VTI1A: variants seen among roughly 807,000 people sequenced by gnomAD.
The protein encoded by VTI1A is vesicle transport through interaction with t-SNAREs 1A.
Under a neutral mutation model 34.9 loss-of-function variants are expected in VTI1A, and 22 were observed. The ratio of observed to expected loss-of-function variants is 0.63; its 90% CI spans 0.45 to 0.90. VTI1A has a LOEUF of 0.90. Among genes scored for constraint, VTI1A ranks in the 40% least tolerant of loss-of-function variants. The pLI is 0.00. For synonymous variants in VTI1A, 87 were observed against 97.3 expected (o/e 0.89, Z 0.62); for missense variants, 268 against 275.6 (o/e 0.97, Z 0.20).
chr10:112,546,113 C>T (rs184182770), intron 5 of VTI1A, among the ~76,000 whole-genome samples: 2 of 135,024 alleles, frequency 1.5e-5, no homozygotes, highest in African/African-American at 2.8e-5. Flanking sequence ...CGTGTATACA[C>T]GTGTGTGTGT....
chr10:112,739,347 T>G (rs1336730432), intron 7 of VTI1A, among the ~76,000 whole-genome samples: 2 of 152,150 alleles, frequency 1.3e-5, no homozygotes, highest in Non-Finnish European at 2.9e-5. Flanking sequence ...GTCCCCATTT[T>G]CCCCAGTCTA....
chr10:112,456,192 A>G (rs970317545), intron 1 of VTI1A, among the ~76,000 whole-genome samples: 6 of 152,146 alleles, frequency 3.9e-5, no homozygotes, highest in African/African-American at 1.4e-4. Context: ...AGGCCGAGGC[A>G]GGTGGATCAC....
At chr10:112,801,011 A>G (rs750648013) in intron 7 of VTI1A, among the ~76,000 whole-genome samples, 2 of 152,302 alleles carry the variant, frequency 1.3e-5, no homozygotes, top group African/African-American at 4.8e-5. Context: ...TGAATGTAGT[A>G]TGTGGCTTCT....
At chr10:112,613,852 G>A (rs1037493246) in intron 5 of VTI1A, among the ~76,000 whole-genome samples, 1 of 152,174 alleles carries the variant, frequency 6.6e-6, no homozygotes, top group Admixed American at 6.5e-5. Flanking sequence ...GAGCTTGGGC[G>A]ATACTGTACA....
At chr10:112,758,936 T>C (rs1037071253) in intron 7 of VTI1A, among the ~76,000 whole-genome samples, 1 of 152,214 alleles carries the variant, frequency 6.6e-6, no homozygotes, top group Non-Finnish European at 1.5e-5. Context: ...TCCTACCTGC[T>C]GCTCATGCTT....
chr10:112,492,900 A>G (rs1181167586), intron 3 of VTI1A, among the ~76,000 whole-genome samples: 1 of 152,230 alleles, frequency 6.6e-6, no homozygotes, highest in Non-Finnish European at 1.5e-5. Context: ...CATAACCGTA[A>G]TCGAGTTTTA....
chr10:112,612,201 A>G (rs1299617104), intron 5 of VTI1A, among the ~76,000 whole-genome samples: 1 of 152,154 alleles, frequency 6.6e-6, no homozygotes, highest in East Asian at 1.9e-4. Context: ...TTCTATTATC[A>G]ATCGGGTACC....
At chr10:112,571,283 G>A (rs937626574) in intron 5 of VTI1A, among the ~76,000 whole-genome samples, 1 of 152,128 alleles carries the variant, frequency 6.6e-6, no homozygotes, top group Non-Finnish European at 1.5e-5. Flanking sequence ...CCAAAGAAAA[G>A]ACTAGTAATA....
chr10:112,616,955 C>T (rs1845535552), intron 5 of VTI1A, among the ~76,000 whole-genome samples: 1 of 151,956 alleles, frequency 6.6e-6, no homozygotes, highest in Admixed American at 6.6e-5. Context: ...ATTAGACTTC[C>T]AGAATGACAA....
chr10:112,474,458 C>T (rs12264149), intron 3 of VTI1A, among the ~76,000 whole-genome samples: 8,780 of 142,040 alleles, frequency 0.062, 557 homozygotes, highest in African/African-American at 0.17. Flanking sequence ...TCATTCTTTC[C>T]TTTTTTTTTT....
intron 5 of VTI1A, among the ~76,000 whole-genome samples, chr10:112,610,646 G>A (rs1302071826): frequency 1.3e-5 from 2 of 152,226 alleles, no homozygotes; most frequent in African/African-American, 4.8e-5. Flanking sequence ...GCCGGGCGCG[G>A]TGGCTCATGC....
intron 5 of VTI1A, among the ~76,000 whole-genome samples, chr10:112,643,307 CA>C (rs1339620034): frequency 6.6e-6 from 1 of 151,790 alleles, no homozygotes; most frequent in East Asian, 1.9e-4. Context: ...CCTCTCTGAG[CA>C]TGTTTTCTAT....
upstream of VTI1A, chr10:112,447,170 T>C (rs563250452): frequency 3.7e-6 from 2 of 541,320 alleles, no homozygotes; most frequent in East Asian, 2.8e-5. Flanking sequence ...GAGCGGAAAA[T>C]AAAGCACGCA....
chr10:112,844,094 C>T, the VTI1A span, among the ~76,000 whole-genome samples: 3,869 of 151,438 alleles, frequency 0.026, 72 homozygotes, highest in African/African-American at 0.056. Flanking sequence ...AAGATGTCAT[C>T]TGAAAAAAAA....
chr10:112,744,459 C>CTT (rs11400561), intron 7 of VTI1A, among the ~76,000 whole-genome samples: 4,630 of 125,982 alleles, frequency 0.037, 293 homozygotes, highest in African/African-American at 0.11. Context: ...CTTCTTCTTC[C>CTT]TTTTTTTTTT....
chr10:112,571,274 C>T (rs972770746), intron 5 of VTI1A, among the ~76,000 whole-genome samples: 1 of 152,064 alleles, frequency 6.6e-6, no homozygotes, highest in South Asian at 2.1e-4. Flanking sequence ...GTTTATACTC[C>T]AAAGAAAAGA....
At chr10:112,642,608 A>AGTGTGTGTGTGTGT (rs75201126) in intron 5 of VTI1A, among the ~76,000 whole-genome samples, 1 of 150,202 alleles carries the variant, frequency 6.7e-6, no homozygotes, top group African/African-American at 2.4e-5. Context: ...TATACAGGGT[A>AGTGTGTGTGTGTGT]GTGTGTGTGT....
chr10:112,831,620 C>T, the VTI1A span: 14 of 152,306 alleles, frequency 9.2e-5, no homozygotes, highest in East Asian at 2.7e-3. Context: ...TCAAAACCTA[C>T]AGTACACTAA....
At chr10:112,495,058 A>G (rs1589828740) in intron 3 of VTI1A, among the ~76,000 whole-genome samples, 1 of 152,134 alleles carries the variant, frequency 6.6e-6, no homozygotes, top group Non-Finnish European at 1.5e-5. Flanking sequence ...GCAAAAACTG[A>G]TGGAAATGTG....
Sources: allele counts gnomAD v4.1 joint callset (sites outside exome capture counted in the v4.1 genomes callset), GRCh38; gene constraint gnomAD v4.1.1; transcripts MANE v1.5; gene names NCBI Gene and HGNC (gene_info 2026-07-23, HGNC 2026-07-21).